Variants in EML2 observed in about 807,000 individuals in gnomAD.
EML2 encodes the protein EMAP like 2.
EML2 carries 59 observed loss-of-function variants against 84.7 expected under a neutral mutation model. That is an observed-to-expected ratio of 0.70 (90% CI 0.56 to 0.86). EML2 has a LOEUF of 0.86. EML2 is among the 40% of genes least tolerant of loss of function. The pLI is 0.00. For missense variants in EML2, 818 were observed against 855.6 expected (o/e 0.96, Z 0.55); for synonymous variants, 352 against 348.9 (o/e 1.01, Z -0.10).
intron 7 of EML2, among the ~76,000 whole-genome samples, chr19:45,627,457 G>A (rs1462840200): frequency 1.3e-5 from 2 of 148,756 alleles, no homozygotes; most frequent in African/African-American, 5.0e-5. Flanking sequence ...GTTTCACCAT[G>A]TTGGCCAGGC....
intron 17 of EML2, among the ~76,000 whole-genome samples, chr19:45,614,236 C>T (rs1026892314): frequency 1.3e-5 from 2 of 152,198 alleles, no homozygotes; most frequent in East Asian, 1.9e-4. Context: ...GACAAGTCTG[C>T]CTCCCCCACT....
At chr19:45,645,512 G>C, upstream of EML2, 3 of 1,340,628 alleles carry the variant, frequency 2.2e-6, no homozygotes, top group Non-Finnish European at 2.9e-6. Context: ...TCCCCAGGAT[G>C]CCCAGAAAGG....
At chr19:45,612,354 G>A (rs1432180823) in intron 18 of EML2, among the ~76,000 whole-genome samples, 1 of 152,266 alleles carries the variant, frequency 6.6e-6, no homozygotes, top group East Asian at 1.9e-4. Flanking sequence ...TTGAGCCACC[G>A]CACCCGGCCA....
intron 13 of EML2, 128 bp downstream of exon 13, chr19:45,617,502 G>T: frequency 1.3e-6 from 1 of 791,204 alleles, no homozygotes; most frequent in East Asian, 2.9e-5. Context: ...AGGCTGCAGT[G>T]AGCCAGAGGA....
chr19:45,624,586 A>C, intron 9 of EML2, 133 bp downstream of exon 9: 1 of 668,074 alleles, frequency 1.5e-6, no homozygotes, highest in Admixed American at 2.7e-5. Context: ...CTTGAGCTGA[A>C]CCTTGACGAG....
At chr19:45,621,172 G>A (rs781446960) in intron 11 of EML2, 35 bp downstream of exon 11, 1 of 1,608,452 alleles carries the variant, frequency 6.2e-7, no homozygotes, top group East Asian at 2.2e-5. Flanking sequence ...GAAAGAGCTG[G>A]GAAGAGGGGA....
At chr19:45,645,434 C>T (rs932667639), upstream of EML2, 43 of 1,451,826 alleles carry the variant, frequency 3.0e-5, no homozygotes, top group African/African-American at 5.0e-4. Context: ...CAACGCCCTT[C>T]GTTCCAGCAT....
chr19:45,619,128 C>T lies in EML2; in HGVS notation c.1186G>A (p.Gly396Arg), dbSNP rs767120179. ...CATAGATGCACCAGCTTATCCTGCCCGCAGGTCACAAACTGGGCCCGACTG... is the reference window on the plus strand; with the variant it reads ...CATAGATGCACCAGCTTATCCTGCCTGCAGGTCACAAACTGGGCCCGACTG... Reference protein sequence around the residue: ...HPSRAQFVTCGQDKLVHLWSS... With the variant: ...HPSRAQFVTCRQDKLVHLWSS... Residue 396 changes from glycine (G) to arginine (R), a missense_variant, in exon 12 of 19, where the codon GGG becomes AGG. By Grantham distance (125) the Gly-to-Arg change is moderately radical. Transcript: ENST00000245925. 2.0e-5 allele frequency: 32 copies of T among 1,612,968 alleles called. 1 individual carries two copies. Among genetic ancestry groups the T allele is most frequent in the South Asian group, 5.5e-5 (5 of 90,946 alleles).
intron 3 of EML2, among the ~76,000 whole-genome samples, chr19:45,637,492 T>TTTTTTTTTTTTTTTTTTTC (rs1568486067): frequency 7.0e-6 from 1 of 143,610 alleles, no homozygotes; most frequent in Non-Finnish European, 1.5e-5. Context: ...TTTTTTTTTT[T>TTTTTTTTTTTTTTTTTTTC]TTTGAGAAAG....
Position 45,614,600 on chromosome 19 carries a change from C to T in EML2, c.1693+5G>A. On this transcript the variant is annotated splice_donor_5th_base_variant and intron_variant, in intron 17 of 18. Coordinates refer to ENST00000245925, the MANE Select transcript of EML2 (RefSeq NM_012155.4). Reference sequence around the variant, plus strand: ...CAGTGAGACCTCTCTCATTCCAGAACTCACCAAACACCCCAAACCCTAGGA... The same window carrying T: ...CAGTGAGACCTCTCTCATTCCAGAATTCACCAAACACCCCAAACCCTAGGA... 1 of 1,613,482 alleles carries T rather than the reference C, an allele frequency of 6.2e-7. No homozygotes were observed. Among genetic ancestry groups the T allele is most frequent in the South Asian group, 1.1e-5 (1 of 91,066 alleles).
In EML2 at chr19:45,621,259, C is replaced by T. The variant is rs3816045; in HGVS notation, c.1070G>A (p.Arg357His). The change falls in exon 11 of 19, where the codon CGC becomes CAC. Residue 357 changes from arginine (R) to histidine (H), a missense_variant. Physicochemically the swap from Arg to His is conservative, Grantham distance 29 (BLOSUM62 0). Coordinates refer to ENST00000245925, the MANE Select transcript of EML2 (RefSeq NM_012155.4). ...CACGGAGCCCTGCAGGATGGAATTG[C>T]GGGTGGTCCCCACGTACAGTGTGTC... ...HGDTLYVGTT[R>H]NSILQGSVHT... 0.011 allele frequency: 18,387 copies of T among 1,613,896 alleles called. 805 individuals carry two copies. The East Asian group carries it at 0.16, about 14-fold the overall frequency.
intron 14 of EML2, 93 bp from the exon 15 acceptor site, chr19:45,616,651 C>G: frequency 2.2e-6 from 3 of 1,364,596 alleles, no homozygotes; most frequent in Admixed American, 3.6e-5. Flanking sequence ...CAGCTCCATC[C>G]CCACTGCATC....
At chr19:45,616,713 G>C in intron 14 of EML2, 52 bp downstream of exon 14, 1 of 1,549,088 alleles carries the variant, frequency 6.5e-7, no homozygotes, top group South Asian at 1.1e-5. Context: ...CAAGAGCTCT[G>C]AGCCTCTGTC....
At chr19:45,628,135 G>T (rs1972585862) in intron 7 of EML2, among the ~76,000 whole-genome samples, 1 of 151,994 alleles carries the variant, frequency 6.6e-6, no homozygotes. Flanking sequence ...ACTTTGGGAG[G>T]CCGAGGCAGG....
At chr19:45,645,307 C>T (rs887622171), upstream of EML2, 7 of 1,533,818 alleles carry the variant, frequency 4.6e-6, no homozygotes, top group Admixed American at 9.8e-5. Flanking sequence ...ACGTGTCGTA[C>T]AGGCCGCAGA....
At chr19:45,620,574 T>C (rs940186441) in intron 11 of EML2, among the ~76,000 whole-genome samples, 8 of 151,458 alleles carry the variant, frequency 5.3e-5, no homozygotes, top group South Asian at 4.2e-4. Flanking sequence ...CTGGGTGTAG[T>C]GGTACATGCC....
chr19:45,629,923 C>G, intron 7 of EML2, 28 bp downstream of exon 7: 1 of 1,567,704 alleles, frequency 6.4e-7, no homozygotes, highest in African/African-American at 1.3e-5. Context: ...TGGCACCCAG[C>G]AGGAGGGGAT....
intron 5 of EML2, 22 bp downstream of exon 5, chr19:45,633,048 G>T: frequency 6.3e-7 from 1 of 1,591,168 alleles, no homozygotes; most frequent in Non-Finnish European, 8.6e-7. Context: ...ACTCTTTTCT[G>T]CTTTCCCCTC....
intron 18 of EML2, among the ~76,000 whole-genome samples, chr19:45,612,715 G>A (rs1286144751): frequency 6.6e-6 from 1 of 151,970 alleles, no homozygotes; most frequent in Non-Finnish European, 1.5e-5. Context: ...AAAGGAGAAA[G>A]AAGAAACAAA....
Sources: gnomAD v4.1 joint callset for allele counts (sites outside exome capture counted in the v4.1 genomes callset) on GRCh38, gnomAD v4.1.1 for gene constraint, MANE v1.5 for transcripts, NCBI Gene and HGNC (gene_info 2026-07-23, HGNC 2026-07-21) for gene names.